The following CC2D2A variants were observed in gnomAD, a reference collection of about 807,000 sequenced individuals.
The protein encoded by CC2D2A is coiled-coil and C2 domain containing 2A, also known as coiled-coil and C2 domain-containing protein 2A.
A neutral mutation model predicts 212.9 loss-of-function variants in CC2D2A; 155 were observed. The ratio of observed to expected loss-of-function variants is 0.73; its 90% CI spans 0.64 to 0.83. The LOEUF is 0.83. Ranked by LOEUF, CC2D2A falls within the 40% of genes least tolerant of loss-of-function variation. The pLI is 0.00. For missense variants in CC2D2A, 1,856 were observed against 1,956.2 expected (o/e 0.95, Z 0.97); for synonymous variants, 667 against 686.5 (o/e 0.97, Z 0.44).
In CC2D2A at chr4:15,516,665, T is replaced by C. The variant is rs1716888720; in HGVS notation, c.1058T>C (p.Leu353Pro). 2 of 1,613,292 alleles carry C rather than the reference T, an allele frequency of 1.2e-6. No homozygotes were observed. Among genetic ancestry groups the C allele is most frequent in the Non-Finnish European group, 1.7e-6 (2 of 1,179,490 alleles). Reference sequence around the variant, plus strand: ...GGAGATGACGGCAGGATCCTAGCTCTGCCAAACCCCATCAAGCCATTTCCT... The same window carrying C: ...GGAGATGACGGCAGGATCCTAGCTCCGCCAAACCCCATCAAGCCATTTCCT... The part of the protein sequence containing the change: ...WFGDDGRILA[L>P]PNPIKPFPSR... Residue 353 changes from leucine to proline, a missense_variant, in exon 11 of 37, where the codon CTG becomes CCG. By Grantham distance (98) the Leu-to-Pro change is moderately conservative. Transcript: ENST00000424120.
At chr4:15,521,672 C>A (rs1043413821) in intron 11 of CC2D2A, among the ~76,000 whole-genome samples, 4 of 152,214 alleles carry the variant, frequency 2.6e-5, no homozygotes, top group African/African-American at 9.6e-5. Context: ...GGGACCAGAA[C>A]TGGATTACAG....
intron 17 of CC2D2A, among the ~76,000 whole-genome samples, 197 bp downstream of exon 17, chr4:15,541,211 C>T (rs575845615): frequency 6.6e-6 from 1 of 151,768 alleles, no homozygotes; most frequent in Non-Finnish European, 1.5e-5. Context: ...CCCAGCTACT[C>T]GGGAGGCTGA....
chr4:15,479,364 G>C, intron 3 of CC2D2A: 1 of 1,462,098 alleles, frequency 6.8e-7, no homozygotes, highest in African/African-American at 1.4e-5. Context: ...TCTGAGAAGG[G>C]AGGCAGGGAA....
chr4:15,586,680 T>C (rs1009286542), intron 31 of CC2D2A, among the ~76,000 whole-genome samples: 2 of 152,208 alleles, frequency 1.3e-5, no homozygotes, highest in Non-Finnish European at 2.9e-5. Flanking sequence ...TACTAAATTC[T>C]GGCTATAAAT....
intron 11 of CC2D2A, among the ~76,000 whole-genome samples, chr4:15,526,858 C>A (rs1717536908): frequency 6.6e-6 from 1 of 152,154 alleles, no homozygotes; most frequent in Non-Finnish European, 1.5e-5. Context: ...CTATTGGAGA[C>A]TTCTGTTTCT....
chr4:15,601,512 C>G lies in CC2D2A; in HGVS notation c.*87C>G. 1 of 769,304 alleles carries G rather than the reference C, an allele frequency of 1.3e-6. No homozygotes were observed. The highest frequency in any genetic ancestry group is 2.0e-6 in the Non-Finnish European group (1 of 511,272). The allele number at this position is 769,304 out of a possible 1,614,324, so 47.7% of individuals were successfully genotyped here. On this transcript the variant is annotated 3_prime_UTR_variant, in exon 37 of 37. Coordinates refer to ENST00000424120, the MANE Select transcript of CC2D2A (RefSeq NM_001378615.1). Reference sequence around the variant, plus strand: ...AATTATATGCATCACATCAGAAGAACATATTATTGGCAAATAATAAAATTA... The same window carrying G: ...AATTATATGCATCACATCAGAAGAAGATATTATTGGCAAATAATAAAATTA...
chr4:15,530,903 G>T (rs1717816526), intron 13 of CC2D2A, among the ~76,000 whole-genome samples: 1 of 151,864 alleles, frequency 6.6e-6, no homozygotes, highest in South Asian at 2.1e-4. Context: ...TTCCATAGCG[G>T]CATCATGACT....
At chr4:15,498,776 T>A (rs1226410421) in intron 4 of CC2D2A, among the ~76,000 whole-genome samples, 1 of 152,230 alleles carries the variant, frequency 6.6e-6, no homozygotes, top group Non-Finnish European at 1.5e-5. Context: ...ATTATCTTTT[T>A]AAAAAAGTCT....
intron 2 of CC2D2A, among the ~76,000 whole-genome samples, chr4:15,477,569 A>C (rs920627933): frequency 6.6e-5 from 10 of 152,226 alleles, no homozygotes; most frequent in African/African-American, 2.4e-4. Context: ...GTAAAAACTT[A>C]GAATTGAATT....
intron 26 of CC2D2A, among the ~76,000 whole-genome samples, chr4:15,568,671 A>G (rs1016733801): frequency 6.6e-6 from 1 of 152,256 alleles, no homozygotes; most frequent in Non-Finnish European, 1.5e-5. Flanking sequence ...AAAAAGAACA[A>G]GAAAACATAA....
At chr4:15,474,601 G>A (rs1714051841) in intron 1 of CC2D2A, among the ~76,000 whole-genome samples, 1 of 152,154 alleles carries the variant, frequency 6.6e-6, no homozygotes, top group Admixed American at 6.5e-5. Flanking sequence ...TAAATGGATT[G>A]TTTCTAACAC....
intron 17 of CC2D2A, 129 bp downstream of exon 17, chr4:15,541,143 C>A: frequency 3.0e-6 from 2 of 663,690 alleles, no homozygotes; most frequent in East Asian, 2.9e-5. Flanking sequence ...AAAACCACAT[C>A]TCTACTGTAA....
chr4:15,480,884 C>A, intron 4 of CC2D2A, 57 bp downstream of exon 4: 1 of 1,575,668 alleles, frequency 6.3e-7, no homozygotes, highest in Non-Finnish European at 8.6e-7. Context: ...GTGAGCTCAG[C>A]ACAGAGCAGT....
chr4:15,567,494 T>A lies in CC2D2A; in HGVS notation c.3288+12T>A, dbSNP rs781021291. ...ACCCCCTCGGCCAGGTGAGAGATGC[T>A]GGACTTCAGCTTTCCACCTTGCCCC... On this transcript the variant is annotated intron_variant, in intron 25 of 36. Transcript: ENST00000424120. The A allele has an allele frequency of 1.0e-5, 16 of 1,605,842 alleles. No individual in the cohort carries two copies. Among genetic ancestry groups the A allele is most frequent in the African/African-American group, 1.3e-5 (1 of 74,620 alleles).
intron 16 of CC2D2A, among the ~76,000 whole-genome samples, chr4:15,539,678 C>T (rs960978491): frequency 6.6e-6 from 1 of 152,136 alleles, no homozygotes; most frequent in African/African-American, 2.4e-5. Flanking sequence ...ATTTTCAAGG[C>T]ACAAGTACCA....
chr4:15,534,768 A>G (rs1335422230), intron 14 of CC2D2A, among the ~76,000 whole-genome samples: 3 of 152,128 alleles, frequency 2.0e-5, no homozygotes, highest in Non-Finnish European at 4.4e-5. Context: ...AAAGAAAAAA[A>G]AAGCTTAGTT....
chr4:15,517,785 G>A (rs1471149293), intron 11 of CC2D2A, among the ~76,000 whole-genome samples: 3 of 152,162 alleles, frequency 2.0e-5, no homozygotes, highest in Non-Finnish European at 4.4e-5. Context: ...ACAAAAAAAA[G>A]AGGTTTAATG....
intron 17 of CC2D2A, chr4:15,543,939 A>C (rs1056157507): frequency 2.0e-5 from 3 of 152,216 alleles, no homozygotes; most frequent in Admixed American, 2.0e-4. Flanking sequence ...TAAATGATAA[A>C]GTCTATTATA....
At chr4:15,501,528 C>A (rs1471788921) in intron 4 of CC2D2A, among the ~76,000 whole-genome samples, 1 of 152,124 alleles carries the variant, frequency 6.6e-6, no homozygotes, top group Non-Finnish European at 1.5e-5. Context: ...AACTTGATCC[C>A]AAAATCCTTC....
Sources: gnomAD v4.1 joint callset for allele counts (sites outside exome capture counted in the v4.1 genomes callset) on GRCh38, gnomAD v4.1.1 for gene constraint, MANE v1.5 for transcripts, NCBI Gene and HGNC (gene_info 2026-07-23, HGNC 2026-07-21) for gene names.